The following NTM variants were observed in gnomAD, a reference collection of about 807,000 sequenced individuals.
NTM encodes neurotrimin, also known as IgLON family member 2.
A neutral mutation model predicts 42.1 loss-of-function variants in NTM; 13 were observed. The ratio of observed to expected loss-of-function variants is 0.31; its 90% confidence interval spans 0.20 to 0.49. The LOEUF (loss-of-function observed/expected upper bound fraction) is 0.49, where lower values mean the gene tolerates loss of function less well. Ranked by LOEUF, NTM falls within the 20% of genes least tolerant of loss-of-function variation. NTM has a pLI of 0.99. For synonymous variants in NTM, 187 were observed against 179.2 expected, an observed-to-expected ratio of 1.04 and a Z score of -0.35; for missense variants, 373 against 452.8, an observed-to-expected ratio of 0.82 and a Z score of 1.60.
intron 1 of NTM, among the ~76,000 whole-genome samples, chr11:131,700,096 C>T (rs1738840542): frequency 6.6e-6 from 1 of 152,066 alleles, no homozygotes; most frequent in Non-Finnish European, 1.5e-5. Context: ...GGCACAAACT[C>T]ATGTTATGTT....
chr11:131,948,641 T>G (rs902877195), intron 2 of NTM, among the ~76,000 whole-genome samples: 5 of 152,286 alleles, frequency 3.3e-5, no homozygotes, highest in Admixed American at 6.5e-5. Flanking sequence ...TCTCTCTGCC[T>G]GGAAAGGCCA....
At chr11:131,445,218 T>C (rs370493956) in intron 1 of NTM, among the ~76,000 whole-genome samples, 1 of 152,242 alleles carries the variant, frequency 6.6e-6, no homozygotes, top group Non-Finnish European at 1.5e-5. Flanking sequence ...ATTTCTCCTG[T>C]GGCATTTGTA....
chr11:131,915,078 G>A (rs2056065002), intron 2 of NTM, among the ~76,000 whole-genome samples: 2 of 152,340 alleles, frequency 1.3e-5, no homozygotes, highest in South Asian at 4.1e-4. Context: ...GTCTGTTACT[G>A]TGTGAACATT....
chr11:132,335,012 C>G, intron 8 of NTM, 34 bp from the exon 9 acceptor site: 1 of 1,602,098 alleles, frequency 6.2e-7, no homozygotes, highest in Non-Finnish European at 8.5e-7. Context: ...CATTTTCTCC[C>G]AGACCACTCA....
chr11:131,968,016 C>T (rs573777748), intron 2 of NTM, among the ~76,000 whole-genome samples: 3 of 152,270 alleles, frequency 2.0e-5, no homozygotes, highest in South Asian at 2.1e-4. Flanking sequence ...ATATAGGAAT[C>T]GGCTAGAAAT....
intron 1 of NTM, among the ~76,000 whole-genome samples, chr11:131,836,977 A>G (rs2043582026): frequency 2.6e-5 from 4 of 152,354 alleles, no homozygotes. Context: ...TTTTAAAACA[A>G]AAGGAAAGTC....
At chr11:132,086,802 G>C (rs1434271373) in intron 2 of NTM, among the ~76,000 whole-genome samples, 6 of 152,162 alleles carry the variant, frequency 3.9e-5, no homozygotes, top group East Asian at 1.9e-4. Context: ...AGTGTGTCAG[G>C]CTTCTGGGTT....
chr11:132,271,658 G>C (rs1176186228), intron 4 of NTM, among the ~76,000 whole-genome samples: 3 of 151,184 alleles, frequency 2.0e-5, no homozygotes, highest in African/African-American at 7.3e-5. Context: ...GATAGGAACT[G>C]TTTTTGATGT....
chr11:131,720,726 TTA>T (rs1246125633), intron 1 of NTM, among the ~76,000 whole-genome samples: 1 of 152,196 alleles, frequency 6.6e-6, no homozygotes, highest in African/African-American at 2.4e-5. Context: ...AGGCAGCGTG[TTA>T]TAGTGGTTAC....
chr11:131,943,284 A>G (rs1305208175), intron 2 of NTM, among the ~76,000 whole-genome samples: 6 of 152,098 alleles, frequency 3.9e-5, no homozygotes, highest in Non-Finnish European at 8.8e-5. Flanking sequence ...CTCAATTTCC[A>G]GGCTCACTCA....
At position 131,589,285 on chromosome 11, in the gene NTM, C is replaced by T. The variant is rs528728854; in HGVS notation, c.82+218397C>T. 2.6e-5 allele frequency among the ~76,000 whole-genome samples: 4 copies of T among 152,012 alleles called. No individual in the cohort carries two copies. In the South Asian group the frequency reaches 8.3e-4, roughly 32 times the overall value. ...TAAATATCTTACCATTAATAATACA[C>T]ATGAATTTAAGCAGGGCTTTTTTCT... On this transcript the variant is annotated intron_variant, in intron 1 of 8. Transcript: ENST00000683400.
chr11:131,630,720 T>C (rs1208996530), intron 1 of NTM, among the ~76,000 whole-genome samples: 1 of 152,202 alleles, frequency 6.6e-6, no homozygotes, highest in African/African-American at 2.4e-5. Context: ...CCAGGTCAAA[T>C]CATGATTATC....
rs1180972801 is a variant in NTM at position 131,401,838 on chromosome 11, A to ATGTGTG, written c.82+30951_82+30952insGTGTGT. Among the ~76,000 whole-genome samples, 435 of 93,036 alleles carry ATGTGTG rather than the reference A, an allele frequency of 4.7e-3. 29 individuals are homozygous for ATGTGTG. The highest frequency in any genetic ancestry group is 0.016 in the African/African-American group (426 of 26,464). The allele number at this position is 93,036 out of a possible 152,430, so 61.0% of individuals were successfully genotyped here. The stretch of plus-strand genomic sequence containing the variant: ...TATATATATATATATATATATATAT[A>ATGTGTG]TATATATATATATATATATATATTT... On this transcript the variant is annotated intron_variant, in intron 1 of 8. Coordinates refer to ENST00000683400, the MANE Select transcript of NTM (RefSeq NM_001352005.2).
At chr11:132,311,929 C>T (rs892847163) in intron 6 of NTM, among the ~76,000 whole-genome samples, 1 of 151,932 alleles carries the variant, frequency 6.6e-6, no homozygotes, top group African/African-American at 2.4e-5. Context: ...GCTGGCAGGG[C>T]CAGGGACAGT....
At chr11:131,498,934 A>G (rs2046385565) in intron 1 of NTM, among the ~76,000 whole-genome samples, 1 of 152,132 alleles carries the variant, frequency 6.6e-6, no homozygotes. Flanking sequence ...AGGAGATGTG[A>G]CCTATGCACC....
intron 2 of NTM, among the ~76,000 whole-genome samples, chr11:132,101,370 T>C (rs1053372638): frequency 2.0e-5 from 3 of 152,196 alleles, no homozygotes; most frequent in African/African-American, 7.2e-5. Flanking sequence ...CTTGACCTCT[T>C]GGTACCAGTG....
intron 4 of NTM, among the ~76,000 whole-genome samples, chr11:132,257,224 A>G (rs1469087971): frequency 6.6e-6 from 1 of 152,222 alleles, no homozygotes; most frequent in Non-Finnish European, 1.5e-5. Flanking sequence ...CTGAGAGGGC[A>G]TGGAGGAGAA....
chr11:131,980,175 T>C (rs1462602196), intron 2 of NTM, among the ~76,000 whole-genome samples: 1 of 152,204 alleles, frequency 6.6e-6, no homozygotes, highest in African/African-American at 2.4e-5. Flanking sequence ...TTGATTTACT[T>C]CCACCCATGT....
At chr11:132,083,074 G>A (rs939373363) in intron 2 of NTM, among the ~76,000 whole-genome samples, 1 of 152,160 alleles carries the variant, frequency 6.6e-6, no homozygotes, top group Non-Finnish European at 1.5e-5. Context: ...CACCTGGCAG[G>A]ATTTGCAGGA....
Sources: allele counts gnomAD v4.1 joint callset (sites outside exome capture counted in the v4.1 genomes callset), GRCh38; gene constraint gnomAD v4.1.1; transcripts MANE v1.5; gene names NCBI Gene and HGNC (gene_info 2026-07-23, HGNC 2026-07-21).